AKAP12: variants seen among roughly 807,000 people sequenced by gnomAD.
The protein encoded by AKAP12 is A-kinase anchoring protein 12, also known as A-kinase anchor protein 12.
Under a neutral mutation model 79.9 loss-of-function variants are expected in AKAP12, and 32 were observed. The ratio of observed to expected loss-of-function variants is 0.40; its 90% CI spans 0.30 to 0.54. AKAP12 has a LOEUF of 0.54. AKAP12 is among the 20% of genes least tolerant of loss of function. AKAP12 has a pLI of 0.48. For missense variants in AKAP12, 2,074 were observed against 2,177.0 expected (o/e 0.95, Z 0.94); for synonymous variants, 808 against 857.0 (o/e 0.94, Z 1.00).
intron 3 of AKAP12, 117 bp from the exon 4 acceptor site, chr6:151,348,594 A>G: frequency 1.3e-6 from 1 of 755,884 alleles, no homozygotes. Flanking sequence ...AGCCGAGACC[A>G]CACCACTGCC....
At chr6:151,244,416 C>G (rs1043703973) in intron 2 of AKAP12, among the ~76,000 whole-genome samples, 16 of 152,178 alleles carry the variant, frequency 1.1e-4, no homozygotes, top group Non-Finnish European at 2.1e-4. Flanking sequence ...CCCAGCCACT[C>G]GGGAGGCTGG....
chr6:151,278,888 C>T (rs962956197), intron 2 of AKAP12, among the ~76,000 whole-genome samples: 3 of 151,482 alleles, frequency 2.0e-5, no homozygotes, highest in Non-Finnish European at 2.9e-5. Context: ...AGGATGGTCT[C>T]GATCTCCTGA....
In AKAP12 at chr6:151,352,358, C is replaced by G. The variant is rs1162758202; in HGVS notation, c.3967C>G (p.Gln1323Glu). 1 of 1,614,176 alleles carries G rather than the reference C, an allele frequency of 6.2e-7. No individual in the cohort carries two copies. Among genetic ancestry groups the G allele is most frequent in the East Asian group, 2.2e-5 (1 of 44,880 alleles). Residue 1323 changes from glutamine (Q) to glutamate (E), a missense_variant, in exon 4 of 5, where the codon CAG becomes GAG. Gln to Glu is a conservative substitution (Grantham distance 29). Transcript: ENST00000402676. ...ECKKDDALEL[Q>E]SHAKSPPSPV... ...TAAAAAGGATGATGCTCTTGAACTG[C>G]AGAGTCACGCTAAGTCTCCTCCATC...
chr6:151,259,507 T>TACACACACACAC (rs762556792), intron 2 of AKAP12, among the ~76,000 whole-genome samples: 108 of 122,486 alleles, frequency 8.8e-4, no homozygotes, highest in African/African-American at 3.5e-3. Flanking sequence ...CATGTATATA[T>TACACACACACAC]ATATACACAC....
chr6:151,253,927 T>TC (rs1039311843), intron 2 of AKAP12, among the ~76,000 whole-genome samples: 2 of 152,138 alleles, frequency 1.3e-5, no homozygotes, highest in African/African-American at 4.8e-5. Context: ...CTGGCTGGTC[T>TC]CCAACTCCTG....
At chr6:151,331,801 C>T (rs960651919) in intron 3 of AKAP12, among the ~76,000 whole-genome samples, 3 of 148,548 alleles carry the variant, frequency 2.0e-5, no homozygotes, top group African/African-American at 2.5e-5. Context: ...AGGAGAATGG[C>T]ATGAACCTGG....
chr6:151,314,179 C>T (rs907066592), intron 3 of AKAP12, among the ~76,000 whole-genome samples: 3 of 151,918 alleles, frequency 2.0e-5, no homozygotes, highest in Non-Finnish European at 4.4e-5. Flanking sequence ...AGGCGTGCAC[C>T]ACCACGCCCA....
chr6:151,311,245 A>G (rs1416224214), intron 3 of AKAP12, among the ~76,000 whole-genome samples: 2 of 152,264 alleles, frequency 1.3e-5, no homozygotes, highest in Admixed American at 6.5e-5. Context: ...TTGGGACTAC[A>G]GAAGTGAGCC....
At chr6:151,348,017 CA>C (rs34068923) in intron 3 of AKAP12, among the ~76,000 whole-genome samples, 71,802 of 142,682 alleles carry the variant, frequency 0.5, 20,923 homozygotes, top group Non-Finnish European at 0.66. Flanking sequence ...ACTAAAAATA[CA>C]AAAAAAAAAA....
At chr6:151,294,011 G>T (rs1304717653) in intron 2 of AKAP12, among the ~76,000 whole-genome samples, 1 of 150,328 alleles carries the variant, frequency 6.7e-6, no homozygotes, top group Non-Finnish European at 1.5e-5. Flanking sequence ...GTCTTGCTCT[G>T]TTGCCGGGCT....
intron 3 of AKAP12, chr6:151,319,879 T>G (rs1396794026): frequency 3.3e-5 from 5 of 152,696 alleles, no homozygotes; most frequent in Non-Finnish European, 5.9e-5. Flanking sequence ...CAAGGTCCAT[T>G]TAAAGGAATA....
rs115079333 is a variant in AKAP12 at position 151,295,976 on chromosome 6, T to G, written c.163-9771T>G. ...AGCTTAAAGTGATGTCACCAAGCAG[T>G]AAGGGAACTTTTTTGGCTTGTTGGT... On this transcript the variant is annotated intron_variant, in intron 2 of 4. Coordinates refer to ENST00000402676, the MANE Select transcript of AKAP12 (RefSeq NM_005100.4). Among the ~76,000 whole-genome samples the G allele has an allele frequency of 1.8e-3, 277 of 152,356 alleles. 1 individual carries two copies. The highest frequency in any genetic ancestry group is 6.4e-3 in the African/African-American group (265 of 41,576).
chr6:151,325,742 C>T, intron 3 of AKAP12: 2 of 1,563,496 alleles, frequency 1.3e-6, no homozygotes, highest in Admixed American at 1.9e-5. Context: ...TGTCTGGGCG[C>T]TCAGTCCGCT....
chr6:151,250,675 G>C (rs1186825875), intron 2 of AKAP12, among the ~76,000 whole-genome samples: 4 of 149,194 alleles, frequency 2.7e-5, no homozygotes, highest in African/African-American at 7.4e-5. Context: ...GCGCGATCTC[G>C]GCTCACTGCA....
intron 2 of AKAP12, among the ~76,000 whole-genome samples, chr6:151,283,796 A>G (rs1485946721): frequency 6.6e-6 from 1 of 152,246 alleles, no homozygotes; most frequent in Non-Finnish European, 1.5e-5. Context: ...TGTCACTGAC[A>G]TAACCAAACC....
intron 2 of AKAP12, among the ~76,000 whole-genome samples, chr6:151,285,323 G>T (rs1419802258): frequency 2.0e-5 from 3 of 151,788 alleles, no homozygotes; most frequent in African/African-American, 7.3e-5. Flanking sequence ...TCACATTACT[G>T]AGTTTGCTAT....
In AKAP12 at chr6:151,352,904, A is replaced by G; in HGVS notation, c.4513A>G (p.Thr1505Ala). 6.2e-7 allele frequency: 1 copy of G among 1,614,200 alleles called. No individual in the cohort carries two copies. The highest frequency in any genetic ancestry group is 8.5e-7 in the Non-Finnish European group (1 of 1,180,034). The change falls in exon 4 of 5, where the codon ACC becomes GCC. Residue 1505 changes from threonine (T) to alanine (A), a missense_variant. Transcript: ENST00000402676. Reference sequence around the variant, plus strand: ...AAGTTCCGACCTGGAAGGAGAGAAAACCACATCACTGAAGTGGAAGTCAGA... The same window carrying G: ...AAGTTCCGACCTGGAAGGAGAGAAAGCCACATCACTGAAGTGGAAGTCAGA... ...GLSSDLEGEK[T>A]TSLKWKSDEV...
intron 2 of AKAP12, among the ~76,000 whole-genome samples, chr6:151,301,832 A>G (rs538844067): frequency 6.6e-6 from 1 of 152,242 alleles, no homozygotes; most frequent in East Asian, 1.9e-4. Flanking sequence ...GAAGTTAATA[A>G]TGTATCTACG....
chr6:151,312,197 G>T (rs373934643), intron 3 of AKAP12, among the ~76,000 whole-genome samples: 3 of 152,270 alleles, frequency 2.0e-5, no homozygotes, highest in East Asian at 3.9e-4. Context: ...AAGCCCAGGT[G>T]CGGTGACTTA....
Sources: allele counts gnomAD v4.1 joint callset (sites outside exome capture counted in the v4.1 genomes callset), GRCh38; gene constraint gnomAD v4.1.1; transcripts MANE v1.5; gene names NCBI Gene and HGNC (gene_info 2026-07-23, HGNC 2026-07-21).